CCDC66: variants seen among roughly 807,000 people sequenced by gnomAD.
CCDC66 encodes the protein coiled-coil domain-containing protein 66.
A neutral mutation model predicts 128.3 loss-of-function variants in CCDC66; 133 were observed. That is an observed-to-expected ratio of 1.04 (90% CI 0.90 to 1.20). The LOEUF (loss-of-function observed/expected upper bound fraction) is 1.20. Among genes scored for constraint, CCDC66 ranks in the 50% most tolerant of loss-of-function variants. CCDC66 has a pLI of 0.00. For missense variants in CCDC66, 1,126 were observed against 1,075.5 expected (o/e 1.05, Z -0.66); for synonymous variants, 387 against 357.0 (o/e 1.08, Z -0.95).
At chr3:56,595,537 T>C (rs894838442) in intron 10 of CCDC66, among the ~76,000 whole-genome samples, 2 of 152,238 alleles carry the variant, frequency 1.3e-5, no homozygotes, top group African/African-American at 4.8e-5. Flanking sequence ...CTTAACATAA[T>C]GACGTCCAGT....
chr3:56,588,699 C>G (rs1364658748), intron 7 of CCDC66, among the ~76,000 whole-genome samples: 1 of 152,056 alleles, frequency 6.6e-6, no homozygotes, highest in African/African-American at 2.4e-5. Context: ...GACACAGAAT[C>G]AAACCATATA....
chr3:56,587,763 G>A (rs2070070356), intron 7 of CCDC66, among the ~76,000 whole-genome samples: 1 of 152,186 alleles, frequency 6.6e-6, no homozygotes, highest in African/African-American at 2.4e-5. Flanking sequence ...CAGCTACTCA[G>A]GAGGCTGAGG....
intron 10 of CCDC66, among the ~76,000 whole-genome samples, chr3:56,609,517 AT>A (rs1310688235): frequency 6.6e-6 from 1 of 152,216 alleles, no homozygotes; most frequent in Non-Finnish European, 1.5e-5. Context: ...GTAAGTTCTT[AT>A]CCATTCTGCA....
intron 3 of CCDC66, among the ~76,000 whole-genome samples, chr3:56,562,317 T>A (rs1376031567): frequency 2.0e-5 from 3 of 152,156 alleles, no homozygotes; most frequent in Non-Finnish European, 2.9e-5. Flanking sequence ...CCCAGAGTGC[T>A]AGGATTATAG....
chr3:56,613,564 G>T, intron 10 of CCDC66, 25 bp from the exon 11 acceptor site: 1 of 1,602,034 alleles, frequency 6.2e-7, no homozygotes. Context: ...TTTTGACAAT[G>T]ATTTACGTGA....
intron 10 of CCDC66, among the ~76,000 whole-genome samples, chr3:56,597,777 GT>G (rs3064563): frequency 9.1e-5 from 8 of 87,964 alleles, no homozygotes; most frequent in South Asian, 6.2e-4. Flanking sequence ...TTGTTTTGGG[GT>G]TTTTTTTTTT....
chr3:56,566,667 A>G lies in CCDC66; in HGVS notation c.618A>G (p.Lys206=). The change falls in exon 5 of 18, where the codon AAA becomes AAG. Residue 206 remains lysine, a synonymous_variant. Transcript: ENST00000394672. ...KDENIMGLFK[K]TEMVSSVPAE... is the part of the protein sequence containing the mutation. ...AGAACATTATGGGATTATTCAAAAA[A>G]ACTGAAATGGTTTCATCTGTCCCAG... The G allele has an allele frequency of 6.2e-7, 1 of 1,611,056 alleles. No homozygotes were observed. Among genetic ancestry groups the G allele is most frequent in the Non-Finnish European group, 8.5e-7 (1 of 1,177,260 alleles).
chr3:56,578,114 C>A (rs537391918), intron 7 of CCDC66, among the ~76,000 whole-genome samples: 1 of 151,596 alleles, frequency 6.6e-6, no homozygotes, highest in Non-Finnish European at 1.5e-5. Context: ...ATTTGTAGTT[C>A]TTGAAGCGGT....
intron 6 of CCDC66, among the ~76,000 whole-genome samples, chr3:56,567,303 T>G (rs2065986852): frequency 1.3e-5 from 2 of 152,092 alleles, no homozygotes; most frequent in South Asian, 4.2e-4. Flanking sequence ...GGCAGGAGAA[T>G]TGCTTGAACC....
chr3:56,593,030 A>G lies in CCDC66; in HGVS notation c.997A>G (p.Ile333Val). 1 of 1,610,988 alleles carries G rather than the reference A, an allele frequency of 6.2e-7. No individual in the cohort carries two copies. The highest frequency in any genetic ancestry group is 8.5e-7 in the Non-Finnish European group (1 of 1,178,512). Residue 333 changes from isoleucine (I) to valine (V), a missense_variant, in exon 8 of 18, where the codon ATT becomes GTT. By Grantham distance (29) the Ile-to-Val change is conservative. Coordinates refer to ENST00000394672, the MANE Select transcript of CCDC66 (RefSeq NM_001141947.3). Reference protein sequence around the residue: ...AVKQELQRKWIEELNKQIEDD... With the variant: ...AVKQELQRKWVEELNKQIEDD... ...GAAACAAGAACTGCAAAGAAAATGG[A>G]TTGAAGAGTTGAATAAGCAAATAGA...
Position 56,617,540 on chromosome 3 carries a change from C to T in CCDC66, c.2272C>T (p.Pro758Ser). 1 of 1,610,310 alleles carries T rather than the reference C, an allele frequency of 6.2e-7. No homozygotes were observed. Among genetic ancestry groups the T allele is most frequent in the Non-Finnish European group, 8.5e-7 (1 of 1,179,158 alleles). The change falls in exon 14 of 18, where the codon CCA (proline) becomes TCA (serine). Residue 758 changes from proline (P) to serine (S), a missense_variant. Coordinates refer to ENST00000394672, the MANE Select transcript of CCDC66 (RefSeq NM_001141947.3). ...CCTCTCTCAAAACAGAGGCATTTCA[C>T]CAGAAATTTTTCATTCATCTCATCA... ...GHLSQNRGISPEIFHSSHQET... is the reference protein window; with the variant it reads ...GHLSQNRGISSEIFHSSHQET...
chr3:56,566,442 A>C (rs964453683), intron 4 of CCDC66, 152 bp from the exon 5 acceptor site: 8 of 491,950 alleles, frequency 1.6e-5, no homozygotes, highest in Admixed American at 3.8e-5. Flanking sequence ...TTTCTTTTTG[A>C]CAGGAAGGGA....
At position 56,593,752 on chromosome 3, in the gene CCDC66, G is replaced by T. The variant is rs1422027220; in HGVS notation, c.1319+11G>T. 1 of 1,606,492 alleles carries T rather than the reference G, an allele frequency of 6.2e-7. No homozygotes were observed. The highest frequency in any genetic ancestry group is 1.3e-5 in the African/African-American group (1 of 74,752). The stretch of plus-strand genomic sequence containing the variant: ...CAGTAAGAAAACAAAGTAAGTTCAT[G>T]CTTATGTATTTATTGACTTTTCAGA... On this transcript the variant is annotated intron_variant, in intron 9 of 17. Coordinates refer to ENST00000394672, the MANE Select transcript of CCDC66 (RefSeq NM_001141947.3).
chr3:56,586,641 T>C (rs2069811104), intron 7 of CCDC66, among the ~76,000 whole-genome samples: 1 of 151,792 alleles, frequency 6.6e-6, no homozygotes, highest in African/African-American at 2.4e-5. Context: ...AATAGCAAGA[T>C]AACAAGAATC....
intron 7 of CCDC66, among the ~76,000 whole-genome samples, chr3:56,577,896 A>G (rs976153294): frequency 6.6e-6 from 1 of 151,884 alleles, no homozygotes; most frequent in African/African-American, 2.4e-5. Context: ...TGTGTTGGCT[A>G]TTTGGGCTGT....
chr3:56,582,119 C>T (rs114175521), intron 7 of CCDC66, among the ~76,000 whole-genome samples: 4,884 of 151,974 alleles, frequency 0.032, 137 homozygotes, highest in Middle Eastern at 0.079. Flanking sequence ...CAATAGGGGA[C>T]GCCCCTCCCC....
intron 12 of CCDC66, 139 bp downstream of exon 12, chr3:56,615,411 A>G: frequency 1.3e-6 from 1 of 774,454 alleles, no homozygotes; most frequent in African/African-American, 1.8e-5. Flanking sequence ...GCTCACTGCA[A>G]CCTCATATTT....
intron 3 of CCDC66, among the ~76,000 whole-genome samples, chr3:56,562,834 A>T (rs754449774): frequency 2.0e-5 from 3 of 149,850 alleles, no homozygotes; most frequent in Non-Finnish European, 3.0e-5. Context: ...TTTAGTAGAG[A>T]TGGTGTTTTA....
intron 3 of CCDC66, among the ~76,000 whole-genome samples, chr3:56,562,988 T>A (rs1285561676): frequency 3.3e-5 from 5 of 152,090 alleles, no homozygotes; most frequent in African/African-American, 1.2e-4. Context: ...TCTGATTTGT[T>A]CTGGCCTTGG....
Sources: allele counts gnomAD v4.1 joint callset (sites outside exome capture counted in the v4.1 genomes callset), GRCh38; gene constraint gnomAD v4.1.1; transcripts MANE v1.5; gene names NCBI Gene and HGNC (gene_info 2026-07-23, HGNC 2026-07-21).